Variants in PPP1R16B observed in about 807,000 individuals in gnomAD.
PPP1R16B encodes the protein protein phosphatase 1 regulatory subunit 16B.
A neutral mutation model predicts 61.7 loss-of-function variants in PPP1R16B; 14 were observed. That is an observed-to-expected ratio of 0.23 (90% CI 0.15 to 0.35). The LOEUF is 0.35. PPP1R16B is among the 10% of genes least tolerant of loss of function. PPP1R16B has a pLI of 1.00. For missense variants in PPP1R16B, 547 were observed against 752.5 expected (o/e 0.73, Z 3.19); for synonymous variants, 266 against 305.3 (o/e 0.87, Z 1.34).
At chr20:38,887,225 A>G (rs2085252505) in intron 2 of PPP1R16B, among the ~76,000 whole-genome samples, 1 of 152,242 alleles carries the variant, frequency 6.6e-6, no homozygotes, top group Non-Finnish European at 1.5e-5. Context: ...TGTAACTGAC[A>G]AAAGACTATT....
intron 10 of PPP1R16B, among the ~76,000 whole-genome samples, chr20:38,911,294 G>T (rs1418097753): frequency 8.6e-5 from 13 of 150,690 alleles, no homozygotes; most frequent in African/African-American, 3.2e-4. Context: ...AGCCTCCCTA[G>T]TAGCTGGGAC....
intron 1 of PPP1R16B, among the ~76,000 whole-genome samples, chr20:38,812,966 C>T (rs1226466323): frequency 6.6e-6 from 1 of 152,110 alleles, no homozygotes; most frequent in Non-Finnish European, 1.5e-5. Context: ...TGCATTTCTA[C>T]CAAGCTCCCA....
intron 2 of PPP1R16B, among the ~76,000 whole-genome samples, chr20:38,851,202 C>T (rs1021501024): frequency 4.0e-5 from 6 of 150,588 alleles, no homozygotes; most frequent in East Asian, 2.0e-4. Flanking sequence ...TAGTGGCTCA[C>T]GCCTGTAATC....
intron 1 of PPP1R16B, among the ~76,000 whole-genome samples, chr20:38,808,474 C>T (rs2084676465): frequency 6.6e-6 from 1 of 152,152 alleles, no homozygotes; most frequent in Non-Finnish European, 1.5e-5. Context: ...CCAGGAAAAC[C>T]TTCACTGTCC....
chr20:38,840,903 T>G (rs1031088415), intron 2 of PPP1R16B, among the ~76,000 whole-genome samples: 1 of 152,220 alleles, frequency 6.6e-6, no homozygotes, highest in Non-Finnish European at 1.5e-5. Flanking sequence ...TGATAAATGT[T>G]GAAGTGGTAT....
chr20:38,884,210 C>T (rs112455332), intron 2 of PPP1R16B, among the ~76,000 whole-genome samples: 4,826 of 152,324 alleles, frequency 0.032, 109 homozygotes, highest in Middle Eastern at 0.075. Flanking sequence ...AGACAGGACC[C>T]CTGGCGTGGC....
intron 2 of PPP1R16B, among the ~76,000 whole-genome samples, chr20:38,858,382 C>T (rs192834774): frequency 1.3e-5 from 2 of 152,098 alleles, no homozygotes; most frequent in Admixed American, 6.5e-5. Flanking sequence ...CTCAAAAGCT[C>T]GAAGCCCATT....
At chr20:38,813,449 C>T (rs2084714231) in intron 1 of PPP1R16B, among the ~76,000 whole-genome samples, 1 of 152,128 alleles carries the variant, frequency 6.6e-6, no homozygotes, top group South Asian at 2.1e-4. Context: ...TGATTCACAG[C>T]CAGACTGATG....
At chr20:38,898,519 A>G (rs1326885188) in intron 4 of PPP1R16B, among the ~76,000 whole-genome samples, 2 of 152,076 alleles carry the variant, frequency 1.3e-5, no homozygotes, top group South Asian at 4.1e-4. Flanking sequence ...GTCTGCAAAA[A>G]ACATCATTGG....
At chr20:38,884,802 C>T (rs765727717) in intron 2 of PPP1R16B, among the ~76,000 whole-genome samples, 15 of 151,290 alleles carry the variant, frequency 9.9e-5, no homozygotes, top group Non-Finnish European at 1.9e-4. Flanking sequence ...ACAGGCACAG[C>T]GGCTCACACC....
intron 1 of PPP1R16B, among the ~76,000 whole-genome samples, chr20:38,834,356 T>C (rs931600716): frequency 6.6e-6 from 1 of 152,164 alleles, no homozygotes; most frequent in Non-Finnish European, 1.5e-5. Flanking sequence ...GGGAGGTGGA[T>C]AGGACACTTT....
chr20:38,893,577 T>C (rs892595411), intron 3 of PPP1R16B, among the ~76,000 whole-genome samples: 9 of 148,974 alleles, frequency 6.0e-5, no homozygotes, highest in African/African-American at 7.4e-5. Flanking sequence ...AGGGAGGAAG[T>C]GGGAGGAGGC....
At chr20:38,857,757 C>T (rs1199118436) in intron 2 of PPP1R16B, among the ~76,000 whole-genome samples, 2 of 151,946 alleles carry the variant, frequency 1.3e-5, no homozygotes, top group African/African-American at 2.4e-5. Flanking sequence ...ACTCAGGGCA[C>T]TCAGTGACTG....
chr20:38,888,591 C>T (rs1346299406), intron 2 of PPP1R16B, among the ~76,000 whole-genome samples: 2 of 152,134 alleles, frequency 1.3e-5, no homozygotes, highest in Admixed American at 6.5e-5. Context: ...GACTCCTCAT[C>T]CACGGGGAGA....
intron 10 of PPP1R16B, among the ~76,000 whole-genome samples, chr20:38,916,249 G>A: frequency 6.8e-6 from 1 of 147,914 alleles, no homozygotes; most frequent in Admixed American, 6.8e-5. Flanking sequence ...AACTTACTAT[G>A]GAAAGTGTTC....
chr20:38,875,733 T>A (rs1359321328), intron 2 of PPP1R16B, among the ~76,000 whole-genome samples: 1 of 151,126 alleles, frequency 6.6e-6, no homozygotes, highest in East Asian at 2.0e-4. Flanking sequence ...AGGGGAGAGG[T>A]GGCTGAGTTG....
chr20:38,917,306 A>C (rs1273127434), intron 10 of PPP1R16B, among the ~76,000 whole-genome samples: 1 of 152,130 alleles, frequency 6.6e-6, no homozygotes, highest in Non-Finnish European at 1.5e-5. Context: ...AAAAAAAAAA[A>C]AAAAAGGACT....
intron 2 of PPP1R16B, among the ~76,000 whole-genome samples, chr20:38,852,434 G>C (rs1015351895): frequency 6.6e-6 from 1 of 152,196 alleles, no homozygotes; most frequent in African/African-American, 2.4e-5. Context: ...GACTGCTCTT[G>C]GGAGAAGAAA....
rs1219869700 is a variant in PPP1R16B, at chr20:38,921,833, GA to G, written c.*3171del. 6.6e-6 allele frequency: 1 copy of G among 152,230 alleles called. No individual in the cohort carries two copies. The highest frequency in any genetic ancestry group is 1.5e-5 in the Non-Finnish European group (1 of 68,044). The allele number at this position is 152,230 out of a possible 1,614,324, so 9.4% of individuals were successfully genotyped here. ...TCACCCCACTAATGGATAATGGGAG[GA>G]AAAGTTGCTGCTTCCTTCAGCATCA... is the stretch of plus-strand genomic sequence containing the variant. On this transcript the variant is annotated 3_prime_UTR_variant, in exon 11 of 11. Transcript: ENST00000299824.
Sources: gnomAD v4.1 joint callset for allele counts (sites outside exome capture counted in the v4.1 genomes callset) on GRCh38, gnomAD v4.1.1 for gene constraint, MANE v1.5 for transcripts, NCBI Gene and HGNC (gene_info 2026-07-23, HGNC 2026-07-21) for gene names.